Variants in MYH11 observed in about 807,000 individuals in gnomAD.
The protein encoded by MYH11 is myosin-11.
A neutral mutation model predicts 246.6 loss-of-function variants in MYH11; 80 were observed. The ratio of observed to expected loss-of-function variants is 0.32; its 90% confidence interval spans 0.27 to 0.39. The LOEUF is 0.39. Among genes scored for constraint, MYH11 ranks in the 10% least tolerant of loss-of-function variants. The probability of loss-of-function intolerance (pLI) is 1.00; values close to 1 mark genes in which losing one functional copy is unlikely to be tolerated. For missense variants in MYH11, 2,158 were observed against 2,546.8 expected (o/e 0.85, Z 3.29); for synonymous variants, 1,071 against 1,015.5 (o/e 1.05, Z -1.04).
At chr16:15,727,335 G>T (rs533334747) in intron 27 of MYH11, among the ~76,000 whole-genome samples, 1 of 152,070 alleles carries the variant, frequency 6.6e-6, no homozygotes, top group Admixed American at 6.6e-5. Flanking sequence ...CAAGTAGCTG[G>T]GATTACAGGC....
At chr16:15,740,996 G>A (rs1049784973) in intron 22 of MYH11, among the ~76,000 whole-genome samples, 1 of 152,156 alleles carries the variant, frequency 6.6e-6, no homozygotes, top group Non-Finnish European at 1.5e-5. Flanking sequence ...ACAGCTGTGT[G>A]AATAAGCCAA....
At chr16:15,721,778 ATATAATCAT>A (rs2040498332) in intron 31 of MYH11, 144 bp from the exon 32 acceptor site, 8 of 793,942 alleles carry the variant, frequency 1.0e-5, no homozygotes, top group Non-Finnish European at 1.7e-5. Flanking sequence ...GGAGTAATTT[ATATAATCAT>A]CTGGCGTTCT....
intron 4 of MYH11, among the ~76,000 whole-genome samples, chr16:15,795,424 C>A (rs972473119): frequency 2.6e-5 from 4 of 152,082 alleles, no homozygotes; most frequent in African/African-American, 9.7e-5. Flanking sequence ...CCAGCCTGAC[C>A]AACATGACAA....
At chr16:15,764,240 G>C (rs2041932316) in intron 9 of MYH11, among the ~76,000 whole-genome samples, 1 of 152,104 alleles carries the variant, frequency 6.6e-6, no homozygotes, top group Non-Finnish European at 1.5e-5. Context: ...AAGATCGTCT[G>C]GCCTACAAAG....
At chr16:15,742,027 A>G in intron 20 of MYH11, 136 bp from the exon 21 acceptor site, 1 of 1,363,556 alleles carries the variant, frequency 7.3e-7, no homozygotes, top group Non-Finnish European at 1.0e-6. Flanking sequence ...GTCTGGAGAC[A>G]CTGCTGATTG....
In MYH11 at chr16:15,719,671, C is replaced by T. The variant is rs2040362299; in HGVS notation, c.4996G>A (p.Ala1666Thr). ...DFQRELEDAR[A>T]SRDEIFATAK... is the part of the protein sequence containing the mutation. ...GTGGCAAAGATCTCATCTCTGGAGG[C>T]ACGGGCATCTTCCAGCTCTCTTTGA... is the stretch of plus-strand genomic sequence containing the variant. Residue 1666 changes from alanine (A) to threonine (T), a missense_variant, in exon 35 of 41, where the codon GCC (alanine) becomes ACC (threonine). Physicochemically the swap from Ala to Thr is moderately conservative, Grantham distance 58. Around this residue, in one of 11 missense-constraint regions of MYH11, gnomAD observed 1,013 missense variants for 993.5 expected, o/e 1.02. Transcript: ENST00000300036. 3.1e-6 allele frequency: 5 copies of T among 1,614,082 alleles called. No individual in the cohort carries two copies. In the South Asian group the frequency reaches 5.5e-5, roughly 18 times the overall value.
At chr16:15,751,120 A>ATTC (rs2041556132) in intron 15 of MYH11, among the ~76,000 whole-genome samples, 1 of 28,138 alleles carries the variant, frequency 3.6e-5, no homozygotes, top group East Asian at 1.2e-3. Context: ...AAAAGTAGGT[A>ATTC]TTATTATTAT....
At chr16:15,784,841 G>T in intron 5 of MYH11, 1 of 1,027,010 alleles carries the variant, frequency 9.7e-7, no homozygotes, top group Non-Finnish European at 1.5e-6. Context: ...AGACAGACTG[G>T]TCAGCTCCTT....
intron 2 of MYH11, among the ~76,000 whole-genome samples, chr16:15,835,730 C>G (rs1276433486): frequency 6.6e-6 from 1 of 151,052 alleles, no homozygotes; most frequent in African/African-American, 2.5e-5. Context: ...GTAACCCACT[C>G]CATGAAGCTG....
rs147750694 is a variant in MYH11 at position 15,784,655 on chromosome 16, C to T, written c.633+1975G>A. Reference sequence around the variant, plus strand: ...GGATCATGCAGATCTAAGTTCACTCCGTGCCTCCCCTACACACCAGGAAAA... The same window carrying T: ...GGATCATGCAGATCTAAGTTCACTCTGTGCCTCCCCTACACACCAGGAAAA... On this transcript the variant is annotated intron_variant, in intron 5 of 40. Transcript: ENST00000300036. The T allele has an allele frequency of 6.8e-5, 110 of 1,611,242 alleles. No homozygotes were observed. The African/African-American group carries it at 9.2e-4, about 13-fold the overall frequency.
At chr16:15,852,105 T>G (rs774834409) in intron 1 of MYH11, among the ~76,000 whole-genome samples, 17 of 152,092 alleles carry the variant, frequency 1.1e-4, no homozygotes, top group Non-Finnish European at 1.8e-4. Context: ...GCATTAGATT[T>G]TCACAGAAGC....
intron 1 of MYH11, among the ~76,000 whole-genome samples, chr16:15,849,743 C>T (rs746022757): frequency 6.6e-5 from 10 of 152,232 alleles, no homozygotes; most frequent in South Asian, 4.1e-4. Context: ...TGAGCCACCG[C>T]GCCCAGGCTG....
At position 15,724,399 on chromosome 16, in the gene MYH11, G is replaced by A. The variant is rs553877450; in HGVS notation, c.4127C>T (p.Ser1376Leu). ...ISTLNIQLSD[S>L]KKKLQDFAST... ...GGCAAAGTCCTGCAGCTTCTTCTTC[G>A]AGTCGGAGAGCTACAAGGACAGCGT... Residue 1376 changes from serine (S) to leucine (L), a missense_variant, in exon 31 of 41, where the codon TCG becomes TTG. Physicochemically the swap from Ser to Leu is moderately radical, Grantham distance 145. Transcript: ENST00000300036. The A allele has an allele frequency of 2.9e-5, 46 of 1,613,818 alleles. No individual in the cohort carries two copies. In the African/African-American group the frequency reaches 3.7e-4, roughly 13 times the overall value.
chr16:15,845,194 T>G (rs1162984127), intron 1 of MYH11, among the ~76,000 whole-genome samples: 1 of 152,150 alleles, frequency 6.6e-6, no homozygotes, highest in Non-Finnish European at 1.5e-5. Flanking sequence ...ACACCAAGCT[T>G]GTCTAACCTG....
intron 40 of MYH11, 22 bp from the exon 41 acceptor site, chr16:15,704,145 ATTAT>A (rs1055513863): frequency 6.2e-7 from 1 of 1,613,418 alleles, no homozygotes; most frequent in African/African-American, 1.3e-5. Flanking sequence ...AAGAAAACAC[ATTAT>A]TTAGCAAAGA....
intron 38 of MYH11, among the ~76,000 whole-genome samples, chr16:15,715,805 C>G (rs760365179): frequency 1.3e-5 from 2 of 152,118 alleles, no homozygotes; most frequent in Non-Finnish European, 2.9e-5. Flanking sequence ...CACCAGCATG[C>G]TCAGACTTTT....
At chr16:15,833,413 G>GAGGAAGGAAGGAAGGAAGGAAGGA (rs1567208270) in intron 2 of MYH11, among the ~76,000 whole-genome samples, 2 of 146,852 alleles carry the variant, frequency 1.4e-5, no homozygotes, top group Admixed American at 6.9e-5. Context: ...GGAAGGAAGG[G>GAGGAAGGAAGGAAGGAAGGAAGGA]AGGAACGAAC....
intron 1 of MYH11, among the ~76,000 whole-genome samples, chr16:15,841,260 C>T (rs1205267164): frequency 1.3e-5 from 2 of 152,172 alleles, no homozygotes; most frequent in East Asian, 1.9e-4. Context: ...GCCTTAGCTT[C>T]CCGAGTAACT....
intron 36 of MYH11, 58 bp downstream of exon 36, chr16:15,719,161 AT>A: frequency 6.6e-7 from 1 of 1,511,202 alleles, no homozygotes; most frequent in Non-Finnish European, 9.2e-7. Flanking sequence ...GGGGTCGAGG[AT>A]GCTGCCTGTC....
Sources: allele counts gnomAD v4.1 joint callset (sites outside exome capture counted in the v4.1 genomes callset), GRCh38; gene constraint gnomAD v4.1.1; regional missense constraint gnomAD v4.1.1; transcripts MANE v1.5; gene names NCBI Gene and HGNC (gene_info 2026-07-23, HGNC 2026-07-21).